Variants in NKAIN2 observed in about 807,000 individuals in gnomAD.
The protein encoded by NKAIN2 is sodium/potassium-transporting ATPase subunit beta-1-interacting protein 2.
A neutral mutation model predicts 32.6 loss-of-function variants in NKAIN2; 14 were observed. That is an observed-to-expected ratio of 0.43 (90% CI 0.28 to 0.67). NKAIN2 has a LOEUF of 0.67. Ranked by LOEUF, NKAIN2 falls within the 30% of genes least tolerant of loss-of-function variation. The probability of loss-of-function intolerance (pLI) is 0.17; values close to 1 mark genes in which losing one functional copy is unlikely to be tolerated. For missense variants in NKAIN2, 198 were observed against 258.3 expected, an observed-to-expected ratio of 0.77 and a Z score of 1.60; for synonymous variants, 80 against 87.2, an observed-to-expected ratio of 0.92 and a Z score of 0.46.
intron 1 of NKAIN2, among the ~76,000 whole-genome samples, chr6:124,217,127 T>C (rs1277635760): frequency 1.3e-5 from 2 of 152,102 alleles, no homozygotes; most frequent in Non-Finnish European, 2.9e-5. Context: ...AAAATTAATA[T>C]CCTAAAGTAT....
At chr6:124,421,205 A>G (rs571683509) in intron 3 of NKAIN2, among the ~76,000 whole-genome samples, 16 of 151,834 alleles carry the variant, frequency 1.1e-4, no homozygotes, top group African/African-American at 3.9e-4. Flanking sequence ...CCCCACTGCT[A>G]TTCGTGTGCT....
At chr6:123,884,299 T>C (rs1240745694) in intron 1 of NKAIN2, among the ~76,000 whole-genome samples, 2 of 152,200 alleles carry the variant, frequency 1.3e-5, no homozygotes, top group Non-Finnish European at 2.9e-5. Context: ...TTTTTGTAGC[T>C]GTATAGTATT....
chr6:124,648,682 A>G lies in NKAIN2; in HGVS notation c.274-9504A>G, dbSNP rs1445629424. Among the ~76,000 whole-genome samples the G allele has an allele frequency of 2.6e-5, 4 of 152,348 alleles. No homozygotes were observed. The East Asian group carries it at 7.7e-4, about 29-fold the overall frequency. ...CTGAAAAAGAACAAACAAAAAAGGCATTAAATGATCCTGAAGTATTGGACC... is the reference window on the plus strand; with the variant it reads ...CTGAAAAAGAACAAACAAAAAAGGCGTTAAATGATCCTGAAGTATTGGACC... On this transcript the variant is annotated intron_variant, in intron 3 of 6. Coordinates refer to ENST00000368417, the MANE Select transcript of NKAIN2 (RefSeq NM_001040214.3).
chr6:124,298,077 C>G (rs536026565), intron 2 of NKAIN2, among the ~76,000 whole-genome samples: 1 of 152,218 alleles, frequency 6.6e-6, no homozygotes, highest in South Asian at 2.1e-4. Flanking sequence ...ACTTTCACTT[C>G]TTTGTCTATT....
intron 3 of NKAIN2, among the ~76,000 whole-genome samples, chr6:124,452,130 G>A (rs1305550483): frequency 1.3e-5 from 2 of 151,288 alleles, no homozygotes; most frequent in Non-Finnish European, 2.9e-5. Context: ...GGGAGGCAGA[G>A]GTTGCAGTGA....
At chr6:124,395,458 T>C (rs1347692756) in intron 3 of NKAIN2, among the ~76,000 whole-genome samples, 1 of 152,172 alleles carries the variant, frequency 6.6e-6, no homozygotes, top group Non-Finnish European at 1.5e-5. Context: ...TTAAAACCCA[T>C]AAATTAATCT....
At chr6:124,610,996 C>G (rs942882474) in intron 3 of NKAIN2, among the ~76,000 whole-genome samples, 12 of 152,134 alleles carry the variant, frequency 7.9e-5, no homozygotes, top group African/African-American at 2.4e-4. Flanking sequence ...TGACTTCAAT[C>G]TAAAACACTC....
At chr6:124,680,978 A>C (rs1047812021) in intron 4 of NKAIN2, among the ~76,000 whole-genome samples, 8 of 152,042 alleles carry the variant, frequency 5.3e-5, no homozygotes, top group African/African-American at 1.9e-4. Context: ...ACTAGATAGT[A>C]GCATATGAGA....
chr6:124,131,822 T>TA (rs1432057351), intron 1 of NKAIN2, among the ~76,000 whole-genome samples: 3 of 151,890 alleles, frequency 2.0e-5, no homozygotes, highest in Non-Finnish European at 2.9e-5. Flanking sequence ...GCTTGCAGGG[T>TA]AAAAGAAGCT....
chr6:124,555,725 A>T (rs546742363), intron 3 of NKAIN2, among the ~76,000 whole-genome samples: 3 of 152,232 alleles, frequency 2.0e-5, no homozygotes, highest in African/African-American at 7.2e-5. Flanking sequence ...AAAAATATAT[A>T]TGGAGATATT....
At chr6:124,712,703 C>T (rs550037322) in intron 4 of NKAIN2, among the ~76,000 whole-genome samples, 43 of 151,626 alleles carry the variant, frequency 2.8e-4, no homozygotes, top group East Asian at 2.7e-3. Flanking sequence ...ACCCACTGAC[C>T]GGCACTCCCT....
At chr6:124,352,451 T>C (rs1355247964) in intron 2 of NKAIN2, among the ~76,000 whole-genome samples, 1 of 152,224 alleles carries the variant, frequency 6.6e-6, no homozygotes, top group African/African-American at 2.4e-5. Context: ...TTAATAAGCA[T>C]AAAATATAAT....
chr6:124,741,975 T>C (rs1777231622), intron 4 of NKAIN2, among the ~76,000 whole-genome samples: 1 of 151,916 alleles, frequency 6.6e-6, no homozygotes, highest in Non-Finnish European at 1.5e-5. Context: ...AACGAAACAA[T>C]GAAAGTGTGG....
chr6:124,038,523 G>T (rs534695806), intron 1 of NKAIN2, among the ~76,000 whole-genome samples: 2 of 152,108 alleles, frequency 1.3e-5, no homozygotes, highest in East Asian at 3.9e-4. Flanking sequence ...TATGTGAAAA[G>T]TTTTATTTTC....
intron 1 of NKAIN2, among the ~76,000 whole-genome samples, chr6:124,165,315 A>G (rs992410518): frequency 9.2e-5 from 14 of 152,080 alleles, no homozygotes; most frequent in Non-Finnish European, 1.8e-4. Flanking sequence ...TTATGGGCTT[A>G]ATAAAATGTT....
intron 4 of NKAIN2, among the ~76,000 whole-genome samples, chr6:124,749,498 T>A (rs1777610472): frequency 6.6e-6 from 1 of 152,014 alleles, no homozygotes; most frequent in Non-Finnish European, 1.5e-5. Flanking sequence ...TATAAATGTA[T>A]GTTTTTAACT....
At chr6:124,779,749 C>T (rs953079042) in intron 4 of NKAIN2, among the ~76,000 whole-genome samples, 3 of 152,152 alleles carry the variant, frequency 2.0e-5, no homozygotes, top group Non-Finnish European at 4.4e-5. Flanking sequence ...TCACCCCCAC[C>T]TAACAATAAG....
At chr6:124,478,516 G>A (rs1421856111) in intron 3 of NKAIN2, among the ~76,000 whole-genome samples, 1 of 152,018 alleles carries the variant, frequency 6.6e-6, no homozygotes, top group Non-Finnish European at 1.5e-5. Flanking sequence ...ACGTGCATGT[G>A]CACACACACA....
intron 1 of NKAIN2, among the ~76,000 whole-genome samples, chr6:123,854,289 A>G (rs960510540): frequency 1.3e-5 from 2 of 152,184 alleles, no homozygotes; most frequent in African/African-American, 4.8e-5. Flanking sequence ...CACAGGACAT[A>G]AGGCAGAGCA....
Sources: gnomAD v4.1 joint callset for allele counts (sites outside exome capture counted in the v4.1 genomes callset) on GRCh38, gnomAD v4.1.1 for gene constraint, MANE v1.5 for transcripts, NCBI Gene and HGNC (gene_info 2026-07-23, HGNC 2026-07-21) for gene names.